LTBP4: variants seen among roughly 807,000 people sequenced by gnomAD.
The protein encoded by LTBP4 is latent transforming growth factor beta binding protein 4.
A neutral mutation model predicts 180.2 loss-of-function variants in LTBP4; 93 were observed. The observed-to-expected ratio is 0.52, with a 90% confidence interval of 0.44 to 0.61. The LOEUF is 0.61. Ranked by LOEUF, LTBP4 falls within the 20% of genes least tolerant of loss-of-function variation. The pLI, the probability that LTBP4 is intolerant of heterozygous loss-of-function variation, is 0.00. For synonymous variants in LTBP4, 947 were observed against 934.5 expected (o/e 1.01, Z -0.24); for missense variants, 2,116 against 2,256.5 (o/e 0.94, Z 1.26).
At position 40,605,526 on chromosome 19, in the gene LTBP4, G is replaced by T. The variant is rs759941927; in HGVS notation, c.564G>T (p.Ala188=). 6.2e-6 allele frequency: 10 copies of T among 1,608,456 alleles called. No individual in the cohort carries two copies. Among genetic ancestry groups the T allele is most frequent in the South Asian group, 1.1e-5 (1 of 90,922 alleles). The change falls in exon 3 of 30, where the codon GCG becomes GCT. Residue 188 remains alanine (A), a synonymous_variant. Coordinates refer to ENST00000396819, the MANE Select transcript of LTBP4 (RefSeq NM_001042545.2). This position sits in a 1 kb window ranked among gnomAD's most constrained non-coding sequence, Gnocchi z 5.5. ...CGGACGCTGAGGCGGTGGCGCGGGCGGAAGCGGCGGCGCGGGCGGAGGCGG... is the reference window on the plus strand; with the variant it reads ...CGGACGCTGAGGCGGTGGCGCGGGCTGAAGCGGCGGCGCGGGCGGAGGCGG... ...EEADAEAVAR[A]EAAARAEAAA... is the part of the protein sequence containing the mutation.
Position 40,617,574 on chromosome 19 carries a change from G to A in LTBP4, c.3070+349G>A, listed in dbSNP as rs760294416. On this transcript the variant is annotated intron_variant, in intron 21 of 29. Coordinates refer to ENST00000396819, the MANE Select transcript of LTBP4 (RefSeq NM_001042545.2). ...CACAAGAATTGCCTGAACCCAAGAGGTGGAGGTTGCAGTGAGCCAAGATTG... is the reference window on the plus strand; with the variant it reads ...CACAAGAATTGCCTGAACCCAAGAGATGGAGGTTGCAGTGAGCCAAGATTG... Among the ~76,000 whole-genome samples the A allele has an allele frequency of 4.6e-5, 7 of 151,600 alleles. No individual in the cohort carries two copies. In the South Asian group the frequency reaches 1.5e-3, roughly 32 times the overall value.
chr19:40,625,956 T>G lies in LTBP4; in HGVS notation c.3932T>G (p.Leu1311Arg), dbSNP rs1315000816. The change falls in exon 27 of 30, where the codon CTG becomes CGG. Residue 1311 changes from leucine to arginine, a missense_variant. By Grantham distance (102) the Leu-to-Arg change is moderately radical. Coordinates refer to ENST00000396819, the MANE Select transcript of LTBP4 (RefSeq NM_001042545.2). ...GCCACCTACACAGAGTGCTGCTGCC[T>G]GTATGGAGAGGCCTGGGGCATGGAC... ...RQATYTECCCLYGEAWGMDCA... is the reference protein window; with the variant it reads ...RQATYTECCCRYGEAWGMDCA... The G allele has an allele frequency of 6.2e-7, 1 of 1,608,332 alleles. No individual in the cohort carries two copies. The highest frequency in any genetic ancestry group is 8.5e-7 in the Non-Finnish European group (1 of 1,177,740).
intron 1 of LTBP4, among the ~76,000 whole-genome samples, chr19:40,603,881 C>T (rs2146018983): frequency 6.6e-6 from 1 of 152,372 alleles, no homozygotes; most frequent in African/African-American, 2.4e-5. Context: ...CTCCGCCCTG[C>T]CCCCGCCGCA....
chr19:40,611,788 G>T lies in LTBP4; in HGVS notation c.2054-71G>T. ...AGGCAGGCTCAAGACTGGAATGCTG[G>T]GGTGGGTGGTGATGGCCATGGGAAT... On this transcript the variant is annotated intron_variant, in intron 13 of 29. Transcript: ENST00000396819. The surrounding 1 kb of genome is among the most constrained non-coding windows in gnomAD (Gnocchi z 4.4). The T allele has an allele frequency of 1.3e-6, 2 of 1,537,544 alleles. No individual in the cohort carries two copies. The highest frequency in any genetic ancestry group is 1.8e-6 in the Non-Finnish European group (2 of 1,136,370).
At chr19:40,602,991 G>A (rs182567983) in intron 1 of LTBP4, among the ~76,000 whole-genome samples, 12 of 152,102 alleles carry the variant, frequency 7.9e-5, no homozygotes, top group East Asian at 3.9e-4. Context: ...GCCCCCATTA[G>A]ACCACCCTGG....
chr19:40,622,950 C>T lies in LTBP4; in HGVS notation c.3485C>T (p.Ala1162Val), dbSNP rs1555741927. The change falls in exon 24 of 30, where the codon GCT (alanine) becomes GTT (valine). Residue 1162 changes from alanine to valine, a missense_variant and splice_region_variant. By Grantham distance (64) the Ala-to-Val change is moderately conservative. Transcript: ENST00000396819. This position sits in a 1 kb window ranked among gnomAD's most constrained non-coding sequence, Gnocchi z 5.1. ...RIQQCPGTET[A>V]EYQSLCPHGR... Reference sequence around the variant, plus strand: ...GGCTCAGGCTTGTCTCTGTGTGTAGCTGAGTACCAGTCATTGTGCCCTCAC... The same window carrying T: ...GGCTCAGGCTTGTCTCTGTGTGTAGTTGAGTACCAGTCATTGTGCCCTCAC... 7.4e-6 allele frequency: 12 copies of T among 1,613,088 alleles called. No homozygotes were observed. The highest frequency in any genetic ancestry group is 1.0e-5 in the Non-Finnish European group (12 of 1,179,606).
Position 40,614,433 on chromosome 19 carries a change from G to A in LTBP4, c.2799G>A (p.Glu933=). 1 of 1,598,964 alleles carries A rather than the reference G, an allele frequency of 6.3e-7. No individual in the cohort carries two copies. The highest frequency in any genetic ancestry group is 8.5e-7 in the Non-Finnish European group (1 of 1,179,620). The change falls in exon 19 of 30, where the codon GAG becomes GAA. Residue 933 remains glutamate (E), a synonymous_variant. Transcript: ENST00000396819. ...ATCCTGGGTACCACGCGGGCCCCGA[G>A]GGCACCTGTGACGGTGAGCCTGCCC... ...DCDPGYHAGP[E]GTCDDVDECQ...
intron 21 of LTBP4, among the ~76,000 whole-genome samples, chr19:40,617,900 T>C (rs1041928410): frequency 4.6e-5 from 7 of 152,180 alleles, no homozygotes; most frequent in Non-Finnish European, 1.0e-4. Context: ...ATTATCATTT[T>C]ATTACACTTG....
chr19:40,613,560 A>G lies in LTBP4; in HGVS notation c.2557+31A>G. On this transcript the variant is annotated intron_variant, in intron 17 of 29. Transcript: ENST00000396819. The surrounding 1 kb of genome is among the most constrained non-coding windows in gnomAD (Gnocchi z 5.0). The stretch of plus-strand genomic sequence containing the variant: ...TACCCGGGCTGATCCTGGCCCCGGA[A>G]AGGGTGGGCTTAGGGCAGGAAAAGG... 1 of 1,554,372 alleles carries G rather than the reference A, an allele frequency of 6.4e-7. No individual in the cohort carries two copies.
chr19:40,625,673 C>T (rs146150039), intron 26 of LTBP4, among the ~76,000 whole-genome samples, 184 bp from the exon 27 acceptor site: 11 of 152,294 alleles, frequency 7.2e-5, no homozygotes, highest in Non-Finnish European at 1.2e-4. Flanking sequence ...ATATGACAGT[C>T]TCCTTGTTCC....
In LTBP4 at chr19:40,611,487, T is replaced by A. The variant is rs551953233; in HGVS notation, c.2053+93T>A. On this transcript the variant is annotated intron_variant, in intron 13 of 29. Transcript: ENST00000396819. This position sits in a 1 kb window ranked among gnomAD's most constrained non-coding sequence, Gnocchi z 4.4. ...GGGCAGAGAGGCAGAGTGATGGGGC[T>A]CAGGGATGGAGAACAGGGGCTGAGG... 2.7e-6 allele frequency: 4 copies of A among 1,502,232 alleles called. No individual in the cohort carries two copies. In the African/African-American group the frequency reaches 4.1e-5, roughly 16 times the overall value. The allele number at this position is 1,502,232 out of a possible 1,614,324, so 93.1% of individuals were successfully genotyped here.
upstream of LTBP4, chr19:40,600,227 A>G (rs946129161): frequency 2.7e-6 from 3 of 1,114,606 alleles, no homozygotes; most frequent in Admixed American, 1.3e-4. This position sits in a 1 kb window ranked among gnomAD's most constrained non-coding sequence, Gnocchi z 4.4. Flanking sequence ...GTTCCGGGCC[A>G]GATAAAGCCG....
chr19:40,603,444 T>C (rs2081437576), intron 1 of LTBP4, among the ~76,000 whole-genome samples: 1 of 152,214 alleles, frequency 6.6e-6, no homozygotes, highest in Non-Finnish European at 1.5e-5. Flanking sequence ...AACCCTGTTT[T>C]CAGCACCGTC....
chr19:40,612,295 C>T, intron 15 of LTBP4, 103 bp downstream of exon 15: 3 of 1,399,752 alleles, frequency 2.1e-6, no homozygotes, highest in Non-Finnish European at 2.9e-6. Context: ...ACCTGGACCT[C>T]AGTCCCTCAG....
intron 21 of LTBP4, 67 bp downstream of exon 21, chr19:40,617,292 C>T: frequency 6.5e-7 from 1 of 1,538,944 alleles, no homozygotes; most frequent in Non-Finnish European, 8.8e-7. Flanking sequence ...CCTGTCCCTC[C>T]CCATATATCT....
At chr19:40,614,562 C>G in intron 19 of LTBP4, 116 bp downstream of exon 19, 1 of 1,300,974 alleles carries the variant, frequency 7.7e-7, no homozygotes, top group East Asian at 2.5e-5. Flanking sequence ...GGAAAGAACA[C>G]CCTCTCACCG....
chr19:40,597,413 C>G (rs2081397157), upstream of LTBP4: 1 of 1,481,318 alleles, frequency 6.8e-7, no homozygotes, highest in Non-Finnish European at 8.9e-7. Flanking sequence ...CCCCTTCCAC[C>G]CAATAAGTCT....
chr19:40,610,312 C>T, intron 11 of LTBP4: 1 of 575,602 alleles, frequency 1.7e-6, no homozygotes, highest in South Asian at 2.3e-5. Flanking sequence ...CTTCCCTTAG[C>T]TTGGTCCCCA....
intron 28 of LTBP4, 134 bp downstream of exon 28, chr19:40,627,489 G>A: frequency 7.6e-7 from 1 of 1,318,050 alleles, no homozygotes; most frequent in East Asian, 2.5e-5. Context: ...AAGGGACAGA[G>A]AAGTGTCTAT....
Sources: allele counts gnomAD v4.1 joint callset (sites outside exome capture counted in the v4.1 genomes callset), GRCh38; gene constraint gnomAD v4.1.1; non-coding constraint Gnocchi (gnomAD v3.1); transcripts MANE v1.5; gene names NCBI Gene and HGNC (gene_info 2026-07-23, HGNC 2026-07-21).